The following EYS variants were observed in gnomAD, a reference collection of about 807,000 sequenced individuals.
EYS encodes the protein protein eyes shut homolog.
Under a neutral mutation model 282.1 loss-of-function variants are expected in EYS, and 250 were observed. The ratio of observed to expected loss-of-function variants is 0.89; its 90% CI spans 0.80 to 0.98. The LOEUF (loss-of-function observed/expected upper bound fraction) is 0.98, where lower values mean the gene tolerates loss of function less well. EYS is among the 50% of genes least tolerant of loss of function. EYS has a pLI of 0.00. For missense variants in EYS, 4,016 were observed against 3,709.0 expected (o/e 1.08, Z -2.15); for synonymous variants, 1,355 against 1,282.9 (o/e 1.06, Z -1.20).
chr6:64,302,592 A>C (rs776194630), intron 30 of EYS, among the ~76,000 whole-genome samples: 7 of 152,020 alleles, frequency 4.6e-5, no homozygotes, highest in Non-Finnish European at 8.8e-5. Flanking sequence ...CAATTTTGTC[A>C]CACGTGGAAT....
intron 1 of EYS, among the ~76,000 whole-genome samples, chr6:65,702,569 G>A (rs986292854): frequency 6.6e-6 from 1 of 152,154 alleles, no homozygotes; most frequent in African/African-American, 2.4e-5. Context: ...GCACTTGCCT[G>A]TATTCCCAAC....
intron 22 of EYS, among the ~76,000 whole-genome samples, chr6:64,773,938 G>A (rs903484831): frequency 8.6e-5 from 13 of 151,622 alleles, no homozygotes; most frequent in Admixed American, 7.9e-4. Context: ...AGTTTAATTA[G>A]GTCCTATTTG....
chr6:65,287,682 TATA>T (rs1194545820), intron 12 of EYS, among the ~76,000 whole-genome samples: 3 of 151,362 alleles, frequency 2.0e-5, no homozygotes, highest in Non-Finnish European at 3.0e-5. Flanking sequence ...GCCATCTAAT[TATA>T]ATAACACACA....
At position 64,095,326 on chromosome 6, in the gene EYS, G is replaced by A. The variant is rs1334365183; in HGVS notation, c.6425-13324C>T. The stretch of plus-strand genomic sequence containing the variant: ...GATATCCTTGTTAACTTTCTGTCTC[G>A]TTGATCTGTCTAATGTTGACAGTGG... On this transcript the variant is annotated intron_variant, in intron 31 of 42. Coordinates refer to ENST00000503581, the MANE Select transcript of EYS (RefSeq NM_001142800.2). Among the ~76,000 whole-genome samples the A allele has an allele frequency of 7.5e-4, 114 of 151,996 alleles. 1 individual carries two copies. Among genetic ancestry groups the A allele is most frequent in the Non-Finnish European group, 5.9e-4 (40 of 67,996 alleles).
chr6:64,280,499 A>C (rs1768269856), intron 30 of EYS, among the ~76,000 whole-genome samples: 1 of 152,196 alleles, frequency 6.6e-6, no homozygotes, highest in Admixed American at 6.6e-5. Context: ...TCATAACTGC[A>C]AATGAAGAAA....
chr6:64,815,356 G>A (rs1370137470), intron 21 of EYS: 1 of 276,454 alleles, frequency 3.6e-6, no homozygotes, highest in African/African-American at 2.3e-5. Flanking sequence ...CCCTAACTCT[G>A]TTTCTAGATA....
chr6:63,731,156 C>CT (rs1456442637), intron 41 of EYS, among the ~76,000 whole-genome samples: 1 of 152,198 alleles, frequency 6.6e-6, no homozygotes, highest in Non-Finnish European at 1.5e-5. Context: ...AAACTACACT[C>CT]TAAAGTGTCC....
chr6:65,060,230 CT>C (rs34441532), intron 12 of EYS, among the ~76,000 whole-genome samples: 8,567 of 146,142 alleles, frequency 0.059, 747 homozygotes, highest in African/African-American at 0.2. Context: ...ACAAGGAAGA[CT>C]TTTTTTTTTT....
At chr6:64,375,996 T>C (rs1286322853) in intron 29 of EYS, among the ~76,000 whole-genome samples, 1 of 152,176 alleles carries the variant, frequency 6.6e-6, no homozygotes, top group Non-Finnish European at 1.5e-5. Context: ...TAAAATTATA[T>C]TCAATATCCT....
At chr6:64,551,857 C>T (rs1229219789) in intron 26 of EYS, among the ~76,000 whole-genome samples, 2 of 152,222 alleles carry the variant, frequency 1.3e-5, no homozygotes, top group African/African-American at 4.8e-5. Context: ...TCCACATCCT[C>T]TCCAGCACCT....
At chr6:64,870,588 C>T (rs1766566215) in intron 19 of EYS, among the ~76,000 whole-genome samples, 1 of 151,596 alleles carries the variant, frequency 6.6e-6, no homozygotes, top group African/African-American at 2.4e-5. Context: ...AAAACATAAC[C>T]AACAGAACCT....
chr6:65,474,666 T>C (rs1024862630), intron 5 of EYS, among the ~76,000 whole-genome samples: 2 of 152,088 alleles, frequency 1.3e-5, no homozygotes, highest in Non-Finnish European at 2.9e-5. Context: ...AAGCAATCTT[T>C]AGATAATTCT....
At chr6:64,478,246 A>G (rs1776333063) in intron 26 of EYS, among the ~76,000 whole-genome samples, 1 of 151,928 alleles carries the variant, frequency 6.6e-6, no homozygotes, top group Non-Finnish European at 1.5e-5. Context: ...TATGTTTTCA[A>G]TCATATTTAC....
At chr6:63,766,958 A>G (rs1208401099) in intron 40 of EYS, among the ~76,000 whole-genome samples, 1 of 152,122 alleles carries the variant, frequency 6.6e-6, no homozygotes, top group East Asian at 1.9e-4. Context: ...GATTCACCAC[A>G]TAAATAGAAT....
At chr6:65,546,223 T>C (rs1768380759) in intron 2 of EYS, among the ~76,000 whole-genome samples, 1 of 150,616 alleles carries the variant, frequency 6.6e-6, no homozygotes, top group Non-Finnish European at 1.5e-5. Flanking sequence ...GGGACAGGGT[T>C]TTGCCATATT....
intron 25 of EYS, among the ~76,000 whole-genome samples, chr6:64,592,516 T>C (rs1399746961): frequency 6.6e-6 from 1 of 152,168 alleles, no homozygotes; most frequent in East Asian, 1.9e-4. Context: ...AATTATTTTT[T>C]CTTCAAGAAT....
chr6:64,364,235 C>T (rs673676), intron 29 of EYS, among the ~76,000 whole-genome samples: 104,117 of 151,672 alleles, frequency 0.69, 35,769 homozygotes, highest in South Asian at 0.71. Context: ...TTGGCCATGG[C>T]TGACTTTGGT....
chr6:65,271,697 C>T (rs928443532), intron 12 of EYS, among the ~76,000 whole-genome samples: 4 of 152,002 alleles, frequency 2.6e-5, no homozygotes, highest in African/African-American at 9.7e-5. Flanking sequence ...ATTCTCCTGC[C>T]TCAATCTCCC....
chr6:65,353,379 G>T, intron 9 of EYS, 79 bp downstream of exon 9: 1 of 1,192,494 alleles, frequency 8.4e-7, no homozygotes, highest in Non-Finnish European at 1.2e-6. Flanking sequence ...AATACTTTGT[G>T]TGTTTAGAAA....
Sources: gnomAD v4.1 joint callset for allele counts (sites outside exome capture counted in the v4.1 genomes callset) on GRCh38, gnomAD v4.1.1 for gene constraint, MANE v1.5 for transcripts, NCBI Gene and HGNC (gene_info 2026-07-23, HGNC 2026-07-21) for gene names.